Variants in PCM1 observed in about 807,000 individuals in gnomAD.
The protein encoded by PCM1 is pericentriolar material 1 protein.
A neutral mutation model predicts 241.9 loss-of-function variants in PCM1; 157 were observed. The ratio of observed to expected loss-of-function variants is 0.65; its 90% CI spans 0.57 to 0.74. PCM1 has a LOEUF of 0.74. Ranked by LOEUF, PCM1 falls within the 30% of genes least tolerant of loss-of-function variation. PCM1 has a pLI of 0.00. For missense variants in PCM1, 3,478 were observed against 2,360.1 expected, an observed-to-expected ratio of 1.47 and a Z score of -9.81; for synonymous variants, 1,085 against 784.9, an observed-to-expected ratio of 1.38 and a Z score of -6.39.
intron 10 of PCM1, 123 bp downstream of exon 10, chr8:17,955,776 G>A: frequency 1.3e-6 from 1 of 780,814 alleles, no homozygotes. Flanking sequence ...CATTCTTAAG[G>A]GATAGGTAGA....
At chr8:18,010,520 C>A (rs2467556) in intron 31 of PCM1, 89 bp from the exon 32 acceptor site, 662,704 of 899,984 alleles carry the variant, frequency 0.74, 247,585 homozygotes, top group Non-Finnish European at 0.77. Flanking sequence ...GTCTATAATC[C>A]CAGTACTTTG....
At chr8:17,960,216 T>C in intron 14 of PCM1, 51 bp downstream of exon 14, 1 of 1,555,308 alleles carries the variant, frequency 6.4e-7, no homozygotes, top group Middle Eastern at 1.7e-4. Flanking sequence ...TTAGTGCCTG[T>C]TTTGGAGAAG....
chr8:17,985,710 T>A, intron 25 of PCM1, 91 bp downstream of exon 25: 1 of 1,028,686 alleles, frequency 9.7e-7, no homozygotes. Context: ...GCATGTGCCA[T>A]ATGAATTTTC....
At chr8:17,954,427 CA>C (rs57686395) in intron 9 of PCM1, among the ~76,000 whole-genome samples, 10,679 of 108,690 alleles carry the variant, frequency 0.098, 552 homozygotes, top group African/African-American at 0.18. Context: ...AACTCCATCT[CA>C]AAAAAAAAAA....
rs71215287 is a variant in PCM1, at chr8:17,928,616, C to CTTTTTTT, written c.-23+3858_-23+3864dup. 4.8e-5 allele frequency among the ~76,000 whole-genome samples: 4 copies of CTTTTTTT among 82,570 alleles called. 1 individual carries two copies. Among genetic ancestry groups the CTTTTTTT allele is most frequent in the African/African-American group, 9.9e-5 (2 of 20,162 alleles). The allele number at this position is 82,570 out of a possible 152,430, so 54.2% of individuals were successfully genotyped here. A position where few individuals can be genotyped will look rare whatever the true frequency, so the allele number is the denominator to read the frequency against. ...TCTTCTGCATTTTTAGTATCTCCCTCTTTTTTTTTTTTTTTTTTTTTTTTT... is the reference window on the plus strand; with the variant it reads ...TCTTCTGCATTTTTAGTATCTCCCTCTTTTTTTTTTTTTTTTTTTTTTTTTTTTTTTT... On this transcript the variant is annotated intron_variant, in intron 2 of 38. Coordinates refer to ENST00000325083, the MANE Select transcript of PCM1 (RefSeq NM_006197.4).
chr8:17,923,604 T>A (rs1283185340), intron 1 of PCM1, among the ~76,000 whole-genome samples: 1 of 151,692 alleles, frequency 6.6e-6, no homozygotes, highest in African/African-American at 2.4e-5. Flanking sequence ...TGGCCATAGT[T>A]CTTCCCCGCG....
intron 7 of PCM1, among the ~76,000 whole-genome samples, chr8:17,948,067 G>A (rs1258320186): frequency 6.6e-6 from 1 of 152,084 alleles, no homozygotes; most frequent in Non-Finnish European, 1.5e-5. Context: ...ACAAAACTAA[G>A]TTATGTTTTC....
chr8:17,927,555 G>A (rs1376841782), intron 2 of PCM1: 1 of 151,948 alleles, frequency 6.6e-6, no homozygotes. Flanking sequence ...CCTGCAACGG[G>A]ATGTTCTTTT....
intron 17 of PCM1, 78 bp from the exon 18 acceptor site, chr8:17,964,490 A>AT (rs1452562721): frequency 9.5e-7 from 1 of 1,050,770 alleles, no homozygotes; most frequent in Non-Finnish European, 1.4e-6. Flanking sequence ...GTTTGAAACA[A>AT]TGTCTGGCAC....
Position 17,956,591 on chromosome 8 carries a change from T to C in PCM1, c.1473-13T>C. ...TGGGTGTAAATCGTATACATAAATT[T>C]TTTGTTTATCAGGAAGTTAAATGAA... On this transcript the variant is annotated splice_polypyrimidine_tract_variant and intron_variant, in intron 10 of 38. Transcript: ENST00000325083. 6.5e-7 allele frequency: 1 copy of C among 1,529,456 alleles called. No individual in the cohort carries two copies. The highest frequency in any genetic ancestry group is 8.9e-7 in the Non-Finnish European group (1 of 1,120,992). 94.7% of individuals were successfully genotyped at this position (1,529,456 alleles called of 1,614,324 possible).
chr8:18,025,847 AT>A (rs1409657595), intron 38 of PCM1, among the ~76,000 whole-genome samples, 189 bp downstream of exon 38: 2 of 152,140 alleles, frequency 1.3e-5, no homozygotes, highest in Non-Finnish European at 2.9e-5. Flanking sequence ...ATTTTTTTCT[AT>A]TCACATCTTT....
At chr8:18,014,949 G>T in intron 36 of PCM1, 109 bp downstream of exon 36, 1 of 903,202 alleles carries the variant, frequency 1.1e-6, no homozygotes, top group Non-Finnish European at 1.6e-6. Context: ...TTTAGGTTTA[G>T]AACATGTTGG....
intron 7 of PCM1, among the ~76,000 whole-genome samples, chr8:17,949,132 T>C (rs1254940646): frequency 1.3e-5 from 2 of 152,208 alleles, no homozygotes; most frequent in Non-Finnish European, 2.9e-5. Context: ...ATAATGCACA[T>C]GAGTTTGAAC....
chr8:18,025,312 G>A (rs771984856), intron 36 of PCM1, 49 bp from the exon 37 acceptor site: 2 of 954,262 alleles, frequency 2.1e-6, no homozygotes, highest in Admixed American at 4.2e-5. Flanking sequence ...TTACATGGAT[G>A]ACTGGTTTGG....
At position 17,985,656 on chromosome 8, in the gene PCM1, A is replaced by G. The variant is rs371440361; in HGVS notation, c.4281+37A>G. Reference sequence around the variant, plus strand: ...CTAACATAATTTTTCCTACCCTATTATCACCTTCTTCATGATTATCTCTGG... The same window carrying G: ...CTAACATAATTTTTCCTACCCTATTGTCACCTTCTTCATGATTATCTCTGG... On this transcript the variant is annotated intron_variant, in intron 25 of 38. Transcript: ENST00000325083. The G allele has an allele frequency of 8.5e-4, 1,240 of 1,466,368 alleles. 2 individuals are homozygous for G. Among genetic ancestry groups the G allele is most frequent in the Non-Finnish European group, 1.1e-3 (1,177 of 1,062,174 alleles). The allele number at this position is 1,466,368 out of a possible 1,614,324, so 90.8% of individuals were successfully genotyped here. A position where few individuals can be genotyped will look rare whatever the true frequency, so the allele number is the denominator to read the frequency against.
At chr8:17,927,024 A>G (rs531324006) in intron 2 of PCM1, 16 of 152,300 alleles carry the variant, frequency 1.1e-4, no homozygotes, top group Admixed American at 5.9e-4. Flanking sequence ...AGTTACTGTC[A>G]GGAAAAGTAC....
intron 8 of PCM1, among the ~76,000 whole-genome samples, chr8:17,952,121 G>T (rs539190510): frequency 6.6e-6 from 1 of 152,006 alleles, no homozygotes; most frequent in Non-Finnish European, 1.5e-5. Context: ...TGCTTGAGAG[G>T]CTGAGGCAGG....
At position 17,963,005 on chromosome 8, in the gene PCM1, A is replaced by G. The variant is rs1586972500; in HGVS notation, c.2464-96A>G. On this transcript the variant is annotated intron_variant, in intron 16 of 38. Transcript: ENST00000325083. ...TGAAAAGGAGAGAATGAGAATAGAA[A>G]CCTTTGTTGATACTGACAATACTAG... 5 of 775,832 alleles carry G rather than the reference A, an allele frequency of 6.4e-6. No homozygotes were observed. The East Asian group carries it at 1.4e-4, about 21-fold the overall frequency. The allele number at this position is 775,832 out of a possible 1,614,324, so 48.1% of individuals were successfully genotyped here.
At chr8:17,983,173 C>A (rs966564560) in intron 24 of PCM1, 15 of 813,602 alleles carry the variant, frequency 1.8e-5, no homozygotes, top group Non-Finnish European at 2.4e-5. Flanking sequence ...ATGTTATAGA[C>A]CCTGTCTTTA....
Sources: gnomAD v4.1 joint callset for allele counts (sites outside exome capture counted in the v4.1 genomes callset) on GRCh38, gnomAD v4.1.1 for gene constraint, MANE v1.5 for transcripts, NCBI Gene and HGNC (gene_info 2026-07-23, HGNC 2026-07-21) for gene names.